Variants in KIF2A observed in about 807,000 individuals in gnomAD.
KIF2A encodes the protein kinesin-like protein KIF2A.
A neutral mutation model predicts 100.2 loss-of-function variants in KIF2A; 22 were observed. The observed-to-expected ratio is 0.22, with a 90% CI of 0.16 to 0.31. The LOEUF (loss-of-function observed/expected upper bound fraction) is 0.31, where lower values mean the gene tolerates loss of function less well. Among genes scored for constraint, KIF2A ranks in the 10% least tolerant of loss-of-function variants. The pLI is 1.00. For synonymous variants in KIF2A, 268 were observed against 285.9 expected (o/e 0.94, Z 0.63); for missense variants, 495 against 898.7 (o/e 0.55, Z 5.74).
intron 1 of KIF2A, among the ~76,000 whole-genome samples, chr5:62,324,345 A>G (rs988069796): frequency 3.3e-5 from 5 of 152,242 alleles, no homozygotes; most frequent in African/African-American, 1.2e-4. Flanking sequence ...TTCTTCACAG[A>G]ATTAGGAAAA....
In KIF2A at chr5:62,306,486, A is replaced by G. The variant is rs917841116; in HGVS notation, c.14A>G (p.Asn5Ser). 5 of 1,545,450 alleles carry G rather than the reference A, an allele frequency of 3.2e-6. No homozygotes were observed. The African/African-American group carries it at 6.9e-5, about 21-fold the overall frequency. ...CCAGATGAGGTGATGGCAACGGCCA[A>G]CTTCGGCAAGATCCAGATCGGGATT... MATANFGKIQIGIYV... is the reference protein window; with the variant it reads MATASFGKIQIGIYV... The change falls in exon 1 of 21, where the codon AAC becomes AGC. Residue 5 changes from asparagine (N) to serine (S), a missense_variant. Physicochemically the swap from Asn to Ser is conservative, Grantham distance 46 (BLOSUM62 1). Coordinates refer to ENST00000407818, the MANE Select transcript of KIF2A (RefSeq NM_001098511.3).
intron 19 of KIF2A, among the ~76,000 whole-genome samples, chr5:62,380,320 G>A (rs1328859548): frequency 4.6e-5 from 7 of 152,218 alleles, no homozygotes; most frequent in South Asian, 2.1e-4. Context: ...CATTCTTCCC[G>A]TTTTAGGGAT....
intron 11 of KIF2A, 127 bp downstream of exon 11, chr5:62,361,656 A>T: frequency 1.7e-6 from 1 of 575,102 alleles, no homozygotes; most frequent in Non-Finnish European, 3.1e-6. Context: ...TATGTCAATT[A>T]TAGGTTATTA....
intron 1 of KIF2A, among the ~76,000 whole-genome samples, chr5:62,346,811 C>T (rs1024667286): frequency 6.6e-6 from 1 of 152,182 alleles, no homozygotes; most frequent in African/African-American, 2.4e-5. Context: ...AGTAAGGACA[C>T]TTTCTAATGA....
intron 1 of KIF2A, among the ~76,000 whole-genome samples, chr5:62,335,547 A>G (rs899834381): frequency 2.0e-5 from 3 of 152,200 alleles, no homozygotes; most frequent in African/African-American, 7.2e-5. Context: ...AGGGAGGGTC[A>G]CAAGCACTTG....
Position 62,355,221 on chromosome 5 carries a change from T to C in KIF2A, c.621T>C (p.Ser207=), listed in dbSNP as rs537977754. The part of the protein sequence containing the change: ...IMCMIRDFRG[S]LDYRPLTTAD... ...GTATGATCAGAGACTTTAGAGGAAG[T>C]TTGGATTATAGACCATTAACAACAG... The change falls in exon 7 of 21, where the codon AGT becomes AGC. Residue 207 remains serine, a synonymous_variant. Coordinates refer to ENST00000407818, the MANE Select transcript of KIF2A (RefSeq NM_001098511.3). 3 of 1,599,482 alleles carry C rather than the reference T, an allele frequency of 1.9e-6. No homozygotes were observed. The highest frequency in any genetic ancestry group is 1.7e-5 in the Admixed American group (1 of 59,784).
At chr5:62,377,101 A>G (rs1012044324) in intron 18 of KIF2A, among the ~76,000 whole-genome samples, 6 of 152,212 alleles carry the variant, frequency 3.9e-5, no homozygotes, top group African/African-American at 1.4e-4. Context: ...ATGAAGTAAA[A>G]TTGTGAATTG....
intron 5 of KIF2A, 152 bp downstream of exon 5, chr5:62,352,862 A>C (rs1747923257): frequency 1.7e-6 from 1 of 598,994 alleles, no homozygotes; most frequent in Non-Finnish European, 2.7e-6. Context: ...ACTTCTTCTT[A>C]TTAGTCTGTT....
intron 7 of KIF2A, among the ~76,000 whole-genome samples, chr5:62,357,039 G>T (rs990639954): frequency 3.3e-5 from 5 of 151,466 alleles, no homozygotes; most frequent in Non-Finnish European, 7.4e-5. Flanking sequence ...ACCCACCTTA[G>T]CCTCCCAAAG....
chr5:62,390,501 A>T lies in KIF2A; in HGVS notation c.*4932A>T, dbSNP rs1742251585. ...AATTTTAAAAATCAGATCCAGTTAC[A>T]TGTATTATGATTTTTCTACCTTATG... On this transcript the variant is annotated 3_prime_UTR_variant, in exon 21 of 21. Coordinates refer to ENST00000407818, the MANE Select transcript of KIF2A (RefSeq NM_001098511.3). Among the ~76,000 whole-genome samples, 1 of 152,166 alleles carries T rather than the reference A, an allele frequency of 6.6e-6. No individual in the cohort carries two copies. Among genetic ancestry groups the T allele is most frequent in the Non-Finnish European group, 1.5e-5 (1 of 68,018 alleles).
At chr5:62,334,573 A>G (rs1490204071) in intron 1 of KIF2A, among the ~76,000 whole-genome samples, 1 of 134,718 alleles carries the variant, frequency 7.4e-6, no homozygotes, top group South Asian at 2.3e-4. Flanking sequence ...CCTCCACTTT[A>G]TTCTTCATCT....
intron 1 of KIF2A, 114 bp downstream of exon 1, chr5:62,306,650 A>G (rs971719487): frequency 7.0e-6 from 6 of 856,578 alleles, no homozygotes; most frequent in South Asian, 5.1e-5. Flanking sequence ...TGGGGGTGGG[A>G]AGGCGGCGGC....
At chr5:62,326,211 A>G (rs1176338055) in intron 1 of KIF2A, among the ~76,000 whole-genome samples, 1 of 152,146 alleles carries the variant, frequency 6.6e-6, no homozygotes, top group African/African-American at 2.4e-5. Flanking sequence ...ATTTCCTGCC[A>G]GTATCTTAAA....
At chr5:62,331,688 A>G (rs1746656680) in intron 1 of KIF2A, among the ~76,000 whole-genome samples, 1 of 151,594 alleles carries the variant, frequency 6.6e-6, no homozygotes, top group African/African-American at 2.4e-5. Flanking sequence ...AATAATGTTC[A>G]CTTTGGGGGA....
intron 1 of KIF2A, among the ~76,000 whole-genome samples, chr5:62,341,677 G>A (rs890419938): frequency 6.6e-6 from 1 of 151,896 alleles, no homozygotes; most frequent in Non-Finnish European, 1.5e-5. Context: ...GTGAATTTGC[G>A]ACCTGTAGTC....
At chr5:62,324,219 A>G (rs949643266) in intron 1 of KIF2A, among the ~76,000 whole-genome samples, 1 of 152,188 alleles carries the variant, frequency 6.6e-6, no homozygotes, top group Admixed American at 6.5e-5. Flanking sequence ...CTGAGATGAT[A>G]CAAACAGAAA....
chr5:62,362,494 C>A lies in KIF2A; in HGVS notation c.1072C>A (p.Leu358Ile). The change falls in exon 12 of 21, where the codon CTA becomes ATA. Residue 358 changes from leucine (L) to isoleucine (I), a missense_variant. By Grantham distance (5) the Leu-to-Ile change is conservative. Transcript: ENST00000407818. ...LMLKKPNYKK[L>I]ELQVYATFFE... ...GCTAAAGAAGCCAAACTATAAGAAG[C>A]TAGAACTTCAAGTATATGCAACCTT... The A allele has an allele frequency of 6.8e-7, 1 of 1,463,996 alleles. No individual in the cohort carries two copies. Among genetic ancestry groups the A allele is most frequent in the South Asian group, 1.6e-5 (1 of 62,866 alleles). The allele number at this position is 1,463,996 out of a possible 1,614,324, so 90.7% of individuals were successfully genotyped here.
At chr5:62,379,200 G>A (rs369292161) in intron 19 of KIF2A, among the ~76,000 whole-genome samples, 158 of 152,264 alleles carry the variant, frequency 1.0e-3, no homozygotes, top group African/African-American at 3.7e-3. Context: ...CCATTTTTTA[G>A]ATAAAATCTT....
intron 19 of KIF2A, among the ~76,000 whole-genome samples, chr5:62,380,141 G>T (rs1005015372): frequency 6.6e-6 from 1 of 152,194 alleles, no homozygotes; most frequent in Non-Finnish European, 1.5e-5. Flanking sequence ...TGATCCACTT[G>T]CCTCAGCCTT....
Sources: gnomAD v4.1 joint callset for allele counts (sites outside exome capture counted in the v4.1 genomes callset) on GRCh38, gnomAD v4.1.1 for gene constraint, MANE v1.5 for transcripts, NCBI Gene and HGNC (gene_info 2026-07-23, HGNC 2026-07-21) for gene names.